The following CD83 variants were observed in gnomAD, a reference collection of about 807,000 sequenced individuals.
CD83 encodes the protein CD83 antigen.
A neutral mutation model predicts 24.6 loss-of-function variants in CD83; 22 were observed. The observed-to-expected ratio is 0.90, with a 90% CI of 0.64 to 1.28. The LOEUF is 1.28. CD83 is among the 50% of genes most tolerant of loss of function. The pLI is 0.00. For missense variants in CD83, 253 were observed against 252.8 expected (o/e 1.00, Z -0.01); for synonymous variants, 101 against 103.5 (o/e 0.98, Z 0.14).
chr6:14,131,973 GA>G (rs1757921756), intron 3 of CD83, among the ~76,000 whole-genome samples: 2 of 152,158 alleles, frequency 1.3e-5, no homozygotes, highest in South Asian at 4.1e-4. Flanking sequence ...GCTGAGGGTG[GA>G]AATGATAAAA....
intron 2 of CD83, among the ~76,000 whole-genome samples, chr6:14,126,581 T>TTA (rs1759820233): frequency 6.6e-6 from 1 of 152,246 alleles, no homozygotes; most frequent in Non-Finnish European, 1.5e-5. Flanking sequence ...TAAATCCAGC[T>TTA]CTGTCTGTTA....
chr6:14,134,784 TAG>T (rs1758005130), intron 4 of CD83, among the ~76,000 whole-genome samples: 1 of 152,220 alleles, frequency 6.6e-6, no homozygotes, highest in Admixed American at 6.5e-5. Context: ...AGAAGATAAT[TAG>T]AGTTACCAGG....
At chr6:14,120,453 A>G (rs572341506) in intron 2 of CD83, among the ~76,000 whole-genome samples, 2 of 152,320 alleles carry the variant, frequency 1.3e-5, no homozygotes, top group African/African-American at 4.8e-5. Context: ...GTTTCATCAA[A>G]GTGGAGGGGT....
Position 14,117,790 on chromosome 6 carries a change from G to A in CD83, c.-22G>A, listed in dbSNP as rs995258989. On this transcript the variant is annotated 5_prime_UTR_variant, in exon 1 of 5. Coordinates refer to ENST00000379153, the MANE Select transcript of CD83 (RefSeq NM_004233.4). This position sits in a 1 kb window ranked among gnomAD's most constrained non-coding sequence, Gnocchi z 4.6. ...GCGCGCCACAGCTCTGCAGCTCGTG[G>A]CAGCGGCGCAGCGCTCCAGCCATGT... 3 of 1,496,070 alleles carry A rather than the reference G, an allele frequency of 2.0e-6. No individual in the cohort carries two copies. Among genetic ancestry groups the A allele is most frequent in the Non-Finnish European group, 2.7e-6 (3 of 1,125,602 alleles). The allele number at this position is 1,496,070 out of a possible 1,614,324, so 92.7% of individuals were successfully genotyped here.
chr6:14,133,202 G>A (rs1757962444), intron 3 of CD83, among the ~76,000 whole-genome samples: 1 of 152,220 alleles, frequency 6.6e-6, no homozygotes, highest in Admixed American at 6.5e-5. Flanking sequence ...CTACCCAACA[G>A]TGATGAAGTT....
upstream of CD83, chr6:14,117,680 G>T: frequency 1.7e-6 from 1 of 600,758 alleles, no homozygotes; most frequent in Non-Finnish European, 2.6e-6. The surrounding 1 kb of genome is among the most constrained non-coding windows in gnomAD (Gnocchi z 4.6). Context: ...CGCGCCACCC[G>T]CTTCCGCTGC....
chr6:14,135,202 G>C lies in CD83; in HGVS notation c.584G>C (p.Gly195Ala). The C allele has an allele frequency of 1.9e-6, 3 of 1,614,102 alleles. No individual in the cohort carries two copies. The highest frequency in any genetic ancestry group is 2.5e-6 in the Non-Finnish European group (3 of 1,180,004). ...GTTACCTCCCCAAATAAGCATTTAG[G>C]GCTAGTGACTCCTCACAAGACAGAA... ...LPVTSPNKHL[G>A]LVTPHKTELV The change falls in exon 5 of 5, where the codon GGG becomes GCG. Residue 195 changes from glycine to alanine, a missense_variant. Coordinates refer to ENST00000379153, the MANE Select transcript of CD83 (RefSeq NM_004233.4).
At chr6:14,131,925 A>G (rs1757920435) in intron 3 of CD83, among the ~76,000 whole-genome samples, 177 bp downstream of exon 3, 1 of 152,148 alleles carries the variant, frequency 6.6e-6, no homozygotes, top group Admixed American at 6.5e-5. Context: ...GGCTTAAATG[A>G]TGCCTTTTGT....
chr6:14,128,590 G>A lies in CD83; in HGVS notation c.154-2930G>A, dbSNP rs114854603. Among the ~76,000 whole-genome samples, 326 of 152,228 alleles carry A rather than the reference G, an allele frequency of 2.1e-3. 2 individuals are homozygous for A. The highest frequency in any genetic ancestry group is 7.5e-3 in the African/African-American group (310 of 41,524). ...TTTGGCAAGAGTTCCTAGGTTTTGCGGATAGTTCTCTGGGTCATTTAGGAA... is the reference window on the plus strand; with the variant it reads ...TTTGGCAAGAGTTCCTAGGTTTTGCAGATAGTTCTCTGGGTCATTTAGGAA... On this transcript the variant is annotated intron_variant, in intron 2 of 4. Transcript: ENST00000379153.
chr6:14,118,004 T>A lies in CD83; in HGVS notation c.92T>A (p.Val31Glu). The stretch of plus-strand genomic sequence containing the variant: ...GTGAAGGTGGCTTGCTCCGAAGATG[T>A]GGACTTGCCCTGCACCGCCCCCTGG... ...PEVKVACSED[V>E]DLPCTAPWDP... The change falls in exon 2 of 5, where the codon GTG becomes GAG. Residue 31 changes from valine (V) to glutamate (E), a missense_variant. By Grantham distance (121) the Val-to-Glu change is moderately radical. Coordinates refer to ENST00000379153, the MANE Select transcript of CD83 (RefSeq NM_004233.4). 1 of 1,611,460 alleles carries A rather than the reference T, an allele frequency of 6.2e-7. No individual in the cohort carries two copies. Among genetic ancestry groups the A allele is most frequent in the Non-Finnish European group, 8.5e-7 (1 of 1,179,394 alleles).
At chr6:14,122,591 C>T (rs1008373916) in intron 2 of CD83, among the ~76,000 whole-genome samples, 6 of 151,822 alleles carry the variant, frequency 4.0e-5, no homozygotes, top group African/African-American at 1.2e-4. Context: ...AACATTTCTA[C>T]ATTAAATGTA....
Position 14,129,337 on chromosome 6 carries a change from C to T in CD83, c.154-2183C>T, listed in dbSNP as rs529771679. ...AAGCCCTTGCCTGGTAGGAAGAAGCCGCTCTGCCAGGCAGCGGAAGGGAGA... is the reference window on the plus strand; with the variant it reads ...AAGCCCTTGCCTGGTAGGAAGAAGCTGCTCTGCCAGGCAGCGGAAGGGAGA... On this transcript the variant is annotated intron_variant, in intron 2 of 4. Coordinates refer to ENST00000379153, the MANE Select transcript of CD83 (RefSeq NM_004233.4). The surrounding 1 kb of genome is among the most constrained non-coding windows in gnomAD (Gnocchi z 4.3). 2.6e-5 allele frequency among the ~76,000 whole-genome samples: 4 copies of T among 152,230 alleles called. No homozygotes were observed. Among genetic ancestry groups the T allele is most frequent in the East Asian group, 3.9e-4 (2 of 5,184 alleles).
chr6:14,123,201 G>A (rs1483689482), intron 2 of CD83, among the ~76,000 whole-genome samples: 1 of 151,688 alleles, frequency 6.6e-6, no homozygotes, highest in Non-Finnish European at 1.5e-5. Context: ...AGGTTCAAGC[G>A]ATTCCCCTGC....
rs892038166 is a variant in CD83 at position 14,136,794 on chromosome 6, G to C, written c.*1558G>C. Reference sequence around the variant, plus strand: ...CATAATCTGTACAATGAACCCCCATGATGTAAGTTTACCTATGTAACAAAC... The same window carrying C: ...CATAATCTGTACAATGAACCCCCATCATGTAAGTTTACCTATGTAACAAAC... On this transcript the variant is annotated 3_prime_UTR_variant, in exon 5 of 5. Transcript: ENST00000379153. 3.3e-5 allele frequency: 5 copies of C among 152,150 alleles called. No individual in the cohort carries two copies. Among genetic ancestry groups the C allele is most frequent in the Non-Finnish European group, 7.4e-5 (5 of 68,018 alleles). 9.4% of individuals were successfully genotyped at this position (152,150 alleles called of 1,614,324 possible).
At chr6:14,127,401 A>G (rs1383893620) in intron 2 of CD83, among the ~76,000 whole-genome samples, 1 of 152,084 alleles carries the variant, frequency 6.6e-6, no homozygotes, top group African/African-American at 2.4e-5. Context: ...AAATATGGTA[A>G]TGTAGGAGGT....
At chr6:14,118,683 G>A (rs1421933318) in intron 2 of CD83, among the ~76,000 whole-genome samples, 1 of 152,160 alleles carries the variant, frequency 6.6e-6, no homozygotes, top group Non-Finnish European at 1.5e-5. Context: ...GCATGAGCCG[G>A]AGCCCGCATG....
intron 2 of CD83, among the ~76,000 whole-genome samples, chr6:14,119,661 C>T (rs1033025839): frequency 6.6e-6 from 1 of 152,134 alleles, no homozygotes; most frequent in Admixed American, 6.5e-5. Flanking sequence ...CTGTTTTCTC[C>T]CTTAATAACT....
chr6:14,133,052 AC>A (rs1354366874), intron 3 of CD83, among the ~76,000 whole-genome samples: 1 of 152,108 alleles, frequency 6.6e-6, no homozygotes. Context: ...TTGTTCTTCC[AC>A]CCAACCATGC....
intron 2 of CD83, among the ~76,000 whole-genome samples, chr6:14,126,988 TA>T (rs1759832455): frequency 6.6e-6 from 1 of 152,074 alleles, no homozygotes; most frequent in African/African-American, 2.4e-5. Flanking sequence ...CCCCTGCTTT[TA>T]TTTTTTTATT....
Sources: gnomAD v4.1 joint callset for allele counts (sites outside exome capture counted in the v4.1 genomes callset) on GRCh38, gnomAD v4.1.1 for gene constraint, Gnocchi (gnomAD v3.1) non-coding constraint, MANE v1.5 for transcripts, NCBI Gene and HGNC (gene_info 2026-07-23, HGNC 2026-07-21) for gene names.